The following GALNT13 variants were observed in gnomAD, a reference collection of about 807,000 sequenced individuals.
The protein encoded by GALNT13 is polypeptide N-acetylgalactosaminyltransferase 13.
In GALNT13, 28 loss-of-function variants were observed where a neutral mutation model predicts 64.2. That is an observed-to-expected ratio of 0.44 (90% CI 0.32 to 0.60). The LOEUF (loss-of-function observed/expected upper bound fraction) is 0.60, where lower values mean the gene tolerates loss of function less well. Ranked by LOEUF, GALNT13 falls within the 20% of genes least tolerant of loss-of-function variation. The probability of loss-of-function intolerance (pLI) is 0.05; values close to 1 mark genes in which losing one functional copy is unlikely to be tolerated. For missense variants in GALNT13, 577 were observed against 669.8 expected (o/e 0.86, Z 1.53); for synonymous variants, 214 against 224.6 (o/e 0.95, Z 0.42).
At chr2:153,649,660 T>C in the GALNT13 span, among the ~76,000 whole-genome samples, 1 of 152,232 alleles carries the variant, frequency 6.6e-6, no homozygotes, top group Non-Finnish European at 1.5e-5. Flanking sequence ...TTCTGGTATG[T>C]TGTGCCTTTG....
intron 3 of GALNT13, among the ~76,000 whole-genome samples, chr2:153,986,693 CTTTG>C (rs1347202344): frequency 6.6e-6 from 1 of 151,836 alleles, no homozygotes; most frequent in African/African-American, 2.4e-5. Flanking sequence ...GCAAAACAGC[CTTTG>C]TTTGTTGAAA....
chr2:153,132,739 A>T, the GALNT13 span, among the ~76,000 whole-genome samples: 3 of 152,160 alleles, frequency 2.0e-5, no homozygotes, highest in Non-Finnish European at 4.4e-5. Flanking sequence ...AATTTTTTTA[A>T]GACAAGTTCT....
the GALNT13 span, among the ~76,000 whole-genome samples, chr2:153,245,523 T>A: frequency 6.6e-6 from 1 of 152,152 alleles, no homozygotes; most frequent in Non-Finnish European, 1.5e-5. Flanking sequence ...TTCAGCGAAC[T>A]GCAGCTGACC....
the GALNT13 span, among the ~76,000 whole-genome samples, chr2:153,279,478 A>G: frequency 6.6e-6 from 1 of 152,154 alleles, no homozygotes; most frequent in Non-Finnish European, 1.5e-5. Context: ...CCTGTTTAGT[A>G]TGAGGTTGCC....
chr2:154,152,559 C>T (rs1387279595), intron 4 of GALNT13, among the ~76,000 whole-genome samples: 1 of 152,138 alleles, frequency 6.6e-6, no homozygotes. Context: ...CCGTCACTTT[C>T]AGGTACACCA....
At chr2:153,184,560 G>A in the GALNT13 span, among the ~76,000 whole-genome samples, 1 of 152,160 alleles carries the variant, frequency 6.6e-6, no homozygotes, top group Non-Finnish European at 1.5e-5. Flanking sequence ...CAAGGGGAAT[G>A]CTTTCAGCTT....
At chr2:153,509,761 C>G in the GALNT13 span, among the ~76,000 whole-genome samples, 7 of 152,186 alleles carry the variant, frequency 4.6e-5, no homozygotes, top group Non-Finnish European at 7.3e-5. Context: ...CCATGCAAAG[C>G]TTTGGCCCCT....
chr2:153,933,861 G>C (rs1190991384), intron 2 of GALNT13, among the ~76,000 whole-genome samples: 4 of 152,114 alleles, frequency 2.6e-5, no homozygotes, highest in African/African-American at 4.8e-5. Context: ...AGCTTCATTT[G>C]GCTGGATAGG....
At chr2:153,398,550 G>T in the GALNT13 span, among the ~76,000 whole-genome samples, 10 of 151,952 alleles carry the variant, frequency 6.6e-5, no homozygotes, top group Non-Finnish European at 1.3e-4. Flanking sequence ...CAGTGTAAAA[G>T]TGTTCCTATT....
the GALNT13 span, among the ~76,000 whole-genome samples, chr2:153,493,201 A>G: frequency 1.3e-5 from 2 of 152,108 alleles, no homozygotes; most frequent in Admixed American, 6.5e-5. Flanking sequence ...CAGGCAAACA[A>G]TAGAAAAAAT....
chr2:153,825,721 C>A, the GALNT13 span, among the ~76,000 whole-genome samples: 35 of 151,784 alleles, frequency 2.3e-4, 1 homozygote, highest in African/African-American at 8.2e-4. Context: ...ATCCCTATAT[C>A]CCCCAGCGAA....
intron 8 of GALNT13, among the ~76,000 whole-genome samples, chr2:154,265,662 G>A (rs1237888780): frequency 6.6e-6 from 1 of 152,112 alleles, no homozygotes; most frequent in Non-Finnish European, 1.5e-5. Flanking sequence ...CTGCACCATT[G>A]CACTCCAGCC....
intron 9 of GALNT13, 79 bp downstream of exon 9, chr2:154,301,668 T>C: frequency 1.1e-6 from 1 of 917,964 alleles, no homozygotes; most frequent in Non-Finnish European, 1.7e-6. Context: ...TCATTATTGC[T>C]GTTATTCTTC....
chr2:153,641,949 T>C, the GALNT13 span, among the ~76,000 whole-genome samples: 1 of 152,008 alleles, frequency 6.6e-6, no homozygotes, highest in Non-Finnish European at 1.5e-5. Flanking sequence ...AATTATTCTA[T>C]TTAATAACAT....
chr2:154,445,733 G>C, intron 12 of GALNT13: 1 of 998,846 alleles, frequency 1.0e-6, no homozygotes, highest in Non-Finnish European at 1.4e-6. Context: ...AGCTGCCTGA[G>C]AGAAGTAGCT....
chr2:153,202,070 C>T, the GALNT13 span, among the ~76,000 whole-genome samples: 1 of 150,712 alleles, frequency 6.6e-6, no homozygotes, highest in Non-Finnish European at 1.5e-5. Flanking sequence ...CTGCAAGCTC[C>T]GCTTCCCGGG....
At chr2:153,326,048 T>C in the GALNT13 span, among the ~76,000 whole-genome samples, 1 of 152,178 alleles carries the variant, frequency 6.6e-6, no homozygotes, top group Non-Finnish European at 1.5e-5. Flanking sequence ...GTCCTGAATA[T>C]CCTTGTTAAT....
the GALNT13 span, among the ~76,000 whole-genome samples, chr2:153,279,823 A>AT: frequency 1.9e-3 from 286 of 147,346 alleles, no homozygotes; most frequent in African/African-American, 6.8e-3. Flanking sequence ...TAGTGTTTTT[A>AT]TTTTTTTTTT....
At chr2:153,516,408 C>T in the GALNT13 span, among the ~76,000 whole-genome samples, 1 of 152,000 alleles carries the variant, frequency 6.6e-6, no homozygotes, top group Non-Finnish European at 1.5e-5. Flanking sequence ...AGTTAGGAGA[C>T]TTTGCAACAG....
Sources: allele counts gnomAD v4.1 joint callset (sites outside exome capture counted in the v4.1 genomes callset), GRCh38; gene constraint gnomAD v4.1.1; transcripts MANE v1.5; gene names NCBI Gene and HGNC (gene_info 2026-07-23, HGNC 2026-07-21).